OLFM3: variants seen among roughly 807,000 people sequenced by gnomAD.
OLFM3 encodes the protein noelin-3.
OLFM3 carries 20 observed loss-of-function variants against 48.6 expected under a neutral mutation model. That is an observed-to-expected ratio of 0.41 (90% CI 0.29 to 0.60). OLFM3 has a LOEUF of 0.60. Among genes scored for constraint, OLFM3 ranks in the 20% least tolerant of loss-of-function variants. The probability of loss-of-function intolerance (pLI) is 0.28; values close to 1 mark genes in which losing one functional copy is unlikely to be tolerated. For missense variants in OLFM3, 437 were observed against 544.3 expected (o/e 0.80, Z 1.96); for synonymous variants, 222 against 198.1 (o/e 1.12, Z -1.01).
chr1:101,879,613 T>G (rs1455662162), intron 1 of OLFM3, among the ~76,000 whole-genome samples: 1 of 151,872 alleles, frequency 6.6e-6, no homozygotes, highest in Non-Finnish European at 1.5e-5. Flanking sequence ...TATTACTAAT[T>G]CACTTAATAT....
intron 1 of OLFM3, among the ~76,000 whole-genome samples, chr1:101,950,041 A>G (rs68119822): frequency 0.52 from 76,253 of 147,146 alleles, 20,339 homozygotes; most frequent in Middle Eastern, 0.62. Flanking sequence ...AAAAAAAAAA[A>G]AAAAAAAGAA....
chr1:101,979,461 A>C (rs771661501), intron 1 of OLFM3, among the ~76,000 whole-genome samples: 1 of 152,170 alleles, frequency 6.6e-6, no homozygotes, highest in Admixed American at 6.5e-5. Flanking sequence ...ATGAGTTCTC[A>C]TGAGATCTGA....
chr1:101,819,055 G>C (rs1654475125), intron 4 of OLFM3, among the ~76,000 whole-genome samples: 1 of 152,142 alleles, frequency 6.6e-6, no homozygotes, highest in South Asian at 2.1e-4. Flanking sequence ...TGTAAAATAT[G>C]TTAATGTACT....
At chr1:101,921,777 G>A (rs1659102116) in intron 1 of OLFM3, among the ~76,000 whole-genome samples, 1 of 152,172 alleles carries the variant, frequency 6.6e-6, no homozygotes, top group Admixed American at 6.5e-5. Flanking sequence ...AACCTGCCAG[G>A]CTGGGTGCAG....
chr1:101,928,902 A>G (rs1659359291), intron 1 of OLFM3, among the ~76,000 whole-genome samples: 1 of 152,116 alleles, frequency 6.6e-6, no homozygotes, highest in Admixed American at 6.6e-5. Flanking sequence ...GTCTGGATCT[A>G]AGGATGTTTG....
intron 3 of OLFM3, among the ~76,000 whole-genome samples, chr1:101,827,801 G>A (rs1183167003): frequency 6.6e-6 from 1 of 152,092 alleles, no homozygotes; most frequent in Non-Finnish European, 1.5e-5. Context: ...TTAGATATAC[G>A]ACTCTGGATA....
chr1:101,843,742 T>C (rs907642052), intron 1 of OLFM3, among the ~76,000 whole-genome samples: 2 of 152,226 alleles, frequency 1.3e-5, no homozygotes, highest in Non-Finnish European at 2.9e-5. Flanking sequence ...AATTGCCATT[T>C]AATGATTTAA....
chr1:101,926,446 G>A (rs972961504), intron 1 of OLFM3, among the ~76,000 whole-genome samples: 2 of 152,162 alleles, frequency 1.3e-5, no homozygotes, highest in Admixed American at 1.3e-4. Context: ...CAATGGAACA[G>A]GGCAGCCTGG....
chr1:101,870,838 T>C (rs966795293), intron 1 of OLFM3, among the ~76,000 whole-genome samples: 2 of 151,954 alleles, frequency 1.3e-5, no homozygotes, highest in African/African-American at 4.8e-5. Context: ...TGGGAATGAG[T>C]GCAAGAATGT....
chr1:101,816,897 C>T (rs889725048), intron 4 of OLFM3, among the ~76,000 whole-genome samples: 1 of 152,102 alleles, frequency 6.6e-6, no homozygotes, highest in African/African-American at 2.4e-5. Flanking sequence ...TTAGTAGATG[C>T]TTCCCTTACA....
chr1:101,909,438 T>C (rs1199653524), intron 1 of OLFM3, among the ~76,000 whole-genome samples: 2 of 152,216 alleles, frequency 1.3e-5, no homozygotes, highest in Non-Finnish European at 2.9e-5. Context: ...ATATTCATCA[T>C]GTAAATTGGG....
intron 1 of OLFM3, among the ~76,000 whole-genome samples, chr1:101,911,901 T>A (rs948158523): frequency 2.0e-5 from 3 of 152,218 alleles, no homozygotes; most frequent in African/African-American, 7.2e-5. Context: ...TCCAACCTTA[T>A]TTAAGTAGGT....
At chr1:101,810,878 A>C (rs1296298868) in intron 4 of OLFM3, among the ~76,000 whole-genome samples, 1 of 151,736 alleles carries the variant, frequency 6.6e-6, no homozygotes, top group Non-Finnish European at 1.5e-5. Flanking sequence ...TACAGTGGTT[A>C]GTAAATGTGC....
At chr1:101,825,344 T>G (rs1359125036) in intron 3 of OLFM3, 99 bp from the exon 4 acceptor site, 2 of 934,772 alleles carry the variant, frequency 2.1e-6, no homozygotes, top group Non-Finnish European at 3.2e-6. Flanking sequence ...TTAAAACAGC[T>G]TCAACATTTC....
chr1:101,985,953 A>T (rs186258417), intron 1 of OLFM3, among the ~76,000 whole-genome samples: 33 of 151,132 alleles, frequency 2.2e-4, no homozygotes, highest in Admixed American at 5.9e-4. Flanking sequence ...GAATGAAAAA[A>T]TGATGAACTA....
intron 1 of OLFM3, among the ~76,000 whole-genome samples, chr1:101,863,734 A>G (rs1253805052): frequency 1.3e-5 from 2 of 152,208 alleles, no homozygotes; most frequent in Non-Finnish European, 2.9e-5. Flanking sequence ...ACTGACACAA[A>G]GAAAATATTT....
chr1:101,953,356 A>G (rs2101074143), intron 1 of OLFM3, among the ~76,000 whole-genome samples: 1 of 152,206 alleles, frequency 6.6e-6, no homozygotes, highest in African/African-American at 2.4e-5. Context: ...TCATTTGTTC[A>G]CATATTGTTC....
chr1:101,893,082 G>A (rs563092442), intron 1 of OLFM3: 74 of 167,040 alleles, frequency 4.4e-4, no homozygotes, highest in African/African-American at 1.4e-3. Context: ...ATGCACCTGT[G>A]AGCCAATTTT....
chr1:101,808,599 A>G (rs1156636918), intron 4 of OLFM3, among the ~76,000 whole-genome samples: 2 of 151,778 alleles, frequency 1.3e-5, no homozygotes, highest in African/African-American at 2.4e-5. Context: ...GAAAAAAAAT[A>G]TGAAACTGTG....
Sources: gnomAD v4.1 joint callset for allele counts (sites outside exome capture counted in the v4.1 genomes callset) on GRCh38, gnomAD v4.1.1 for gene constraint, MANE v1.5 for transcripts, NCBI Gene and HGNC (gene_info 2026-07-23, HGNC 2026-07-21) for gene names.